Variants in CDK6 observed in about 807,000 individuals in gnomAD.
CDK6 encodes cyclin dependent kinase 6.
A neutral mutation model predicts 37.1 loss-of-function variants in CDK6; 6 were observed. The ratio of observed to expected loss-of-function variants is 0.16; its 90% CI spans 0.09 to 0.32. CDK6 has a LOEUF of 0.32. CDK6 is among the 10% of genes least tolerant of loss of function. The pLI is 1.00. For synonymous variants in CDK6, 160 were observed against 161.3 expected (o/e 0.99, Z 0.06); for missense variants, 224 against 418.9 (o/e 0.53, Z 4.06).
intron 2 of CDK6, among the ~76,000 whole-genome samples, chr7:92,801,450 T>C (rs1279891245): frequency 6.6e-6 from 1 of 152,160 alleles, no homozygotes; most frequent in Non-Finnish European, 1.5e-5. Context: ...ATTTTAAAGC[T>C]AGAGGTCATC....
chr7:92,705,547 T>C (rs1797946914), intron 4 of CDK6, among the ~76,000 whole-genome samples: 1 of 152,120 alleles, frequency 6.6e-6, no homozygotes, highest in Non-Finnish European at 1.5e-5. Flanking sequence ...ATGAATTGGG[T>C]GGCTTAAGAA....
At chr7:92,661,369 G>A (rs1385186033) in intron 5 of CDK6, among the ~76,000 whole-genome samples, 2 of 152,120 alleles carry the variant, frequency 1.3e-5, no homozygotes, top group Non-Finnish European at 2.9e-5. Flanking sequence ...CGAACAACAT[G>A]GGGGTTAAAG....
chr7:92,650,334 T>G (rs984748125), intron 5 of CDK6, among the ~76,000 whole-genome samples: 5 of 152,222 alleles, frequency 3.3e-5, no homozygotes, highest in Admixed American at 6.5e-5. Flanking sequence ...CTCATTACTG[T>G]GTAGACATTC....
chr7:92,684,120 T>C (rs1243734579), intron 4 of CDK6, among the ~76,000 whole-genome samples: 1 of 152,216 alleles, frequency 6.6e-6, no homozygotes, highest in Non-Finnish European at 1.5e-5. Context: ...TTTAATGGTG[T>C]GAGGCGAGTA....
chr7:92,723,747 A>G (rs1020657073), intron 4 of CDK6, among the ~76,000 whole-genome samples: 3 of 152,130 alleles, frequency 2.0e-5, no homozygotes, highest in Admixed American at 2.0e-4. Context: ...AGGAAATATA[A>G]AGCATGCAGT....
At chr7:92,822,350 T>A (rs929996434) in intron 2 of CDK6, among the ~76,000 whole-genome samples, 2 of 152,118 alleles carry the variant, frequency 1.3e-5, no homozygotes, top group African/African-American at 4.8e-5. Context: ...AATTCCCAGG[T>A]CAGAATCCAA....
At chr7:92,682,382 G>A (rs545341391) in intron 4 of CDK6, among the ~76,000 whole-genome samples, 3 of 152,072 alleles carry the variant, frequency 2.0e-5, no homozygotes, top group African/African-American at 2.4e-5. Flanking sequence ...GTGCTATGTC[G>A]TGCCTCATGT....
intron 4 of CDK6, among the ~76,000 whole-genome samples, chr7:92,694,021 T>C (rs1431380967): frequency 6.6e-6 from 1 of 152,184 alleles, no homozygotes; most frequent in African/African-American, 2.4e-5. Context: ...ATGATCTAAA[T>C]ATCGGCCATT....
chr7:92,815,303 T>C (rs1057476333), intron 2 of CDK6, among the ~76,000 whole-genome samples: 1 of 152,148 alleles, frequency 6.6e-6, no homozygotes, highest in African/African-American at 2.4e-5. Context: ...ATCCCAAGAT[T>C]CCTATGCCAA....
Position 92,782,902 on chromosome 7 carries a change from T to G in CDK6, c.234-8071A>C, listed in dbSNP as rs17696870. ...AATACGTCTTACAGAGTAGACACAA[T>G]GAGTGAAGCTCAAGCACAAAAGAAG... On this transcript the variant is annotated intron_variant, in intron 2 of 7. Coordinates refer to ENST00000424848, the MANE Select transcript of CDK6 (RefSeq NM_001145306.2). 3.2e-3 allele frequency among the ~76,000 whole-genome samples: 494 copies of G among 152,304 alleles called. 6 individuals carry two copies. The highest frequency in any genetic ancestry group is 0.02 in the Admixed American group (312 of 15,302).
At chr7:92,672,194 C>CAG (rs1250923688) in intron 4 of CDK6, among the ~76,000 whole-genome samples, 5 of 101,002 alleles carry the variant, frequency 5.0e-5, no homozygotes, top group Non-Finnish European at 1.0e-4. Flanking sequence ...GACACATACA[C>CAG]ACACACACAC....
chr7:92,774,657 G>C (rs2115783495), intron 3 of CDK6, 39 bp downstream of exon 3: 1 of 1,536,630 alleles, frequency 6.5e-7, no homozygotes, highest in African/African-American at 1.4e-5. Flanking sequence ...GACTATAATA[G>C]TCGACTGCCT....
intron 2 of CDK6, among the ~76,000 whole-genome samples, chr7:92,785,272 G>T (rs1172084110): frequency 6.6e-6 from 1 of 152,188 alleles, no homozygotes; most frequent in African/African-American, 2.4e-5. Context: ...CTAAGAGAAA[G>T]AAGCCAGTCA....
chr7:92,644,765 A>G (rs1472461211), intron 5 of CDK6, among the ~76,000 whole-genome samples: 2 of 152,222 alleles, frequency 1.3e-5, no homozygotes, highest in Non-Finnish European at 2.9e-5. Flanking sequence ...GGTTTCTTCT[A>G]TCATACAGAA....
In CDK6 at chr7:92,629,009, G is replaced by C. The variant is rs148005558; in HGVS notation, c.648-5923C>G. 5.3e-5 allele frequency among the ~76,000 whole-genome samples: 8 copies of C among 152,182 alleles called. No homozygotes were observed. In the South Asian group the frequency reaches 1.5e-3, roughly 28 times the overall value. ...AACGGTATAGGATTAAGGAGAGTGG[G>C]GAGGGGAAAGACGCACTTGAAGTAA... is the stretch of plus-strand genomic sequence containing the variant. On this transcript the variant is annotated intron_variant, in intron 5 of 7. Transcript: ENST00000424848.
intron 4 of CDK6, among the ~76,000 whole-genome samples, chr7:92,687,187 C>G (rs1003239400): frequency 6.6e-6 from 1 of 152,198 alleles, no homozygotes; most frequent in Non-Finnish European, 1.5e-5. Flanking sequence ...CAGATTCCTA[C>G]TCCACACTCC....
Position 92,696,611 on chromosome 7 carries a change from C to A in CDK6, c.538-25076G>T, listed in dbSNP as rs144178405. On this transcript the variant is annotated intron_variant, in intron 4 of 7. Transcript: ENST00000424848. ...TGGTTTGATATGTCAGGGACCAGATCAAATGATTTACTTTGAAAAAACTGG... is the reference window on the plus strand; with the variant it reads ...TGGTTTGATATGTCAGGGACCAGATAAAATGATTTACTTTGAAAAAACTGG... Among the ~76,000 whole-genome samples, 24 of 152,222 alleles carry A rather than the reference C, an allele frequency of 1.6e-4. No homozygotes were observed. In the East Asian group the frequency reaches 4.6e-3, roughly 29 times the overall value.
chr7:92,649,638 GA>G (rs1796528880), intron 5 of CDK6, among the ~76,000 whole-genome samples: 3 of 152,186 alleles, frequency 2.0e-5, no homozygotes, highest in Admixed American at 2.0e-4. Context: ...AATAAACCAT[GA>G]GAGAGGTAGT....
rs972148173 is a variant in CDK6 at position 92,833,572 on chromosome 7, G to C, written c.-249C>G. The C allele has an allele frequency of 1.5e-5, 8 of 540,312 alleles. No homozygotes were observed. The highest frequency in any genetic ancestry group is 2.2e-5 in the Non-Finnish European group (7 of 312,846). 33.5% of individuals were successfully genotyped at this position (540,312 alleles called of 1,614,324 possible). On this transcript the variant is annotated 5_prime_UTR_variant, in exon 2 of 8. Transcript: ENST00000424848. This position sits in a 1 kb window ranked among gnomAD's most constrained non-coding sequence, Gnocchi z 6.1. ...AAACTCCGCCTGCAGAGTCGCCGCCGCCGCCGCCGCCGGAGGAGCGAGCCG... is the reference window on the plus strand; with the variant it reads ...AAACTCCGCCTGCAGAGTCGCCGCCCCCGCCGCCGCCGGAGGAGCGAGCCG...
Sources: gnomAD v4.1 joint callset for allele counts (sites outside exome capture counted in the v4.1 genomes callset) on GRCh38, gnomAD v4.1.1 for gene constraint, Gnocchi (gnomAD v3.1) non-coding constraint, MANE v1.5 for transcripts, NCBI Gene and HGNC (gene_info 2026-07-23, HGNC 2026-07-21) for gene names.